The following ZNF385D variants were observed in gnomAD, a reference collection of about 807,000 sequenced individuals.
The protein encoded by ZNF385D is zinc finger protein 659.
A neutral mutation model predicts 35.8 loss-of-function variants in ZNF385D; 15 were observed. That is an observed-to-expected ratio of 0.42 (90% CI 0.28 to 0.64). The LOEUF is 0.64. ZNF385D is among the 30% of genes least tolerant of loss of function. ZNF385D has a pLI of 0.23. For missense variants in ZNF385D, 474 were observed against 494.6 expected, an observed-to-expected ratio of 0.96 and a Z score of 0.39; for synonymous variants, 212 against 186.8, an observed-to-expected ratio of 1.13 and a Z score of -1.10.
intron 3 of ZNF385D, among the ~76,000 whole-genome samples, chr3:22,084,587 T>G (rs1305430305): frequency 1.3e-5 from 2 of 152,140 alleles, no homozygotes; most frequent in Non-Finnish European, 1.5e-5. Context: ...AGCAAGTCCC[T>G]AGCAACCTAC....
intron 3 of ZNF385D, among the ~76,000 whole-genome samples, chr3:21,952,894 T>C (rs1702127085): frequency 6.6e-6 from 1 of 152,016 alleles, no homozygotes. Context: ...AATTGCTAGT[T>C]ACACGAAAAA....
chr3:21,968,513 GTCT>G (rs1464814636), intron 3 of ZNF385D, among the ~76,000 whole-genome samples: 3 of 127,164 alleles, frequency 2.4e-5, no homozygotes, highest in African/African-American at 1.0e-4. Context: ...CATTCCTTCT[GTCT>G]GAGGAGAGGA....
chr3:22,335,309 T>C (rs908077560), intron 2 of ZNF385D, among the ~76,000 whole-genome samples: 7 of 152,160 alleles, frequency 4.6e-5, no homozygotes, highest in Non-Finnish European at 7.4e-5. Context: ...TGTCTGAACA[T>C]AGACAAGTCA....
chr3:21,453,285 A>G (rs1268874488), intron 4 of ZNF385D, among the ~76,000 whole-genome samples: 1 of 152,010 alleles, frequency 6.6e-6, no homozygotes, highest in African/African-American at 2.4e-5. Flanking sequence ...CTATAGGAAT[A>G]AATATTTGTG....
chr3:21,946,763 C>T (rs1233572872), intron 3 of ZNF385D, among the ~76,000 whole-genome samples: 1 of 152,138 alleles, frequency 6.6e-6, no homozygotes, highest in African/African-American at 2.4e-5. Flanking sequence ...ACCCAAGAGG[C>T]GGAGGTTGCA....
chr3:22,341,974 T>C (rs1276826390), intron 2 of ZNF385D, among the ~76,000 whole-genome samples: 2 of 152,144 alleles, frequency 1.3e-5, no homozygotes, highest in Non-Finnish European at 2.9e-5. Context: ...AACTGTTTAA[T>C]GAATTAAAAG....
chr3:21,737,489 A>ACC (rs2069302349), intron 1 of ZNF385D, among the ~76,000 whole-genome samples: 5 of 150,708 alleles, frequency 3.3e-5, no homozygotes, highest in Admixed American at 2.0e-4. Context: ...ACACACACAC[A>ACC]TACACATAAG....
chr3:21,618,894 C>G (rs966143118), intron 2 of ZNF385D, among the ~76,000 whole-genome samples: 5 of 152,146 alleles, frequency 3.3e-5, no homozygotes, highest in Non-Finnish European at 7.3e-5. Context: ...CCGTGTGTCA[C>G]TACAGTAATG....
intron 3 of ZNF385D, among the ~76,000 whole-genome samples, chr3:22,106,752 G>A (rs752186726): frequency 1.2e-4 from 18 of 152,124 alleles, no homozygotes; most frequent in Admixed American, 2.6e-4. Flanking sequence ...CTCATGTGAC[G>A]CAACTGGATC....
At chr3:21,953,698 A>G (rs1317243497) in intron 3 of ZNF385D, among the ~76,000 whole-genome samples, 3 of 152,096 alleles carry the variant, frequency 2.0e-5, no homozygotes, top group Non-Finnish European at 2.9e-5. Flanking sequence ...TTCAGCAAAT[A>G]CTATAACCAG....
At chr3:21,566,015 G>C (rs2063132615) in intron 2 of ZNF385D, among the ~76,000 whole-genome samples, 2 of 152,298 alleles carry the variant, frequency 1.3e-5, no homozygotes, top group Non-Finnish European at 2.9e-5. Context: ...TGGAAGGAAG[G>C]AGAAAGTTTC....
At position 21,539,078 on chromosome 3, in the gene ZNF385D, A is replaced by G. The variant is rs2062109861; in HGVS notation, c.276+25496T>C. On this transcript the variant is annotated intron_variant, in intron 3 of 7. Coordinates refer to ENST00000281523, the MANE Select transcript of ZNF385D (RefSeq NM_024697.3). This position sits in a 1 kb window ranked among gnomAD's most constrained non-coding sequence, Gnocchi z 4.0. ...TGAACTAGTTTTCAGCTAATACGGA[A>G]CAAAGGGAGTGGGTGCAGCAAAATA... Among the ~76,000 whole-genome samples, 2 of 152,086 alleles carry G rather than the reference A, an allele frequency of 1.3e-5. No homozygotes were observed. The highest frequency in any genetic ancestry group is 1.9e-4 in the East Asian group (1 of 5,184).
intron 3 of ZNF385D, among the ~76,000 whole-genome samples, chr3:22,166,557 G>A (rs1232850131): frequency 3.3e-5 from 5 of 152,072 alleles, no homozygotes; most frequent in Non-Finnish European, 7.4e-5. Flanking sequence ...ATCTATAAAA[G>A]GAATATAACA....
Position 22,152,420 on chromosome 3 carries a change from T to C in ZNF385D, c.325+16397A>G, listed in dbSNP as rs530238115. ...TTGTTGGCTTAAGACAAAACAAATTTATCATACAGTTCTGAGGTCAGAAGT... is the reference window on the plus strand; with the variant it reads ...TTGTTGGCTTAAGACAAAACAAATTCATCATACAGTTCTGAGGTCAGAAGT... On this transcript the variant is annotated intron_variant, in intron 3 of 5. Transcript: ENST00000494108. Among the ~76,000 whole-genome samples the C allele has an allele frequency of 3.8e-4, 58 of 152,300 alleles. 2 individuals carry two copies. In the South Asian group the frequency reaches 0.01, roughly 27 times the overall value.
intron 3 of ZNF385D, among the ~76,000 whole-genome samples, chr3:21,949,546 C>CTTTT (rs1553705221): frequency 2.9e-4 from 9 of 31,144 alleles, no homozygotes; most frequent in South Asian, 9.9e-4. Flanking sequence ...TCCTTCTTTT[C>CTTTT]TTTCTTTCTT....
At chr3:21,797,955 T>C (rs964992690) in intron 3 of ZNF385D, among the ~76,000 whole-genome samples, 5 of 152,144 alleles carry the variant, frequency 3.3e-5, no homozygotes, top group African/African-American at 7.2e-5. Context: ...TGTCTAAATA[T>C]TAGAAGTGTA....
At chr3:22,064,938 C>T (rs1309741935) in intron 3 of ZNF385D, among the ~76,000 whole-genome samples, 1 of 152,158 alleles carries the variant, frequency 6.6e-6, no homozygotes, top group African/African-American at 2.4e-5. Context: ...GCTAATGTAT[C>T]AGTAGCATGG....
chr3:21,610,891 G>A (rs1340003584), intron 2 of ZNF385D, among the ~76,000 whole-genome samples: 3 of 152,180 alleles, frequency 2.0e-5, no homozygotes, highest in Non-Finnish European at 4.4e-5. Flanking sequence ...AGCCTGGAAT[G>A]TGGTCTCATC....
At chr3:22,371,361 T>C (rs192733336) in intron 2 of ZNF385D, among the ~76,000 whole-genome samples, 1 of 152,200 alleles carries the variant, frequency 6.6e-6, no homozygotes, top group Admixed American at 6.5e-5. Flanking sequence ...ACCGCAGAAT[T>C]AGCATAGAAC....
Sources: allele counts gnomAD v4.1 joint callset (sites outside exome capture counted in the v4.1 genomes callset), GRCh38; gene constraint gnomAD v4.1.1; non-coding constraint Gnocchi (gnomAD v3.1); transcripts MANE v1.5; gene names NCBI Gene and HGNC (gene_info 2026-07-23, HGNC 2026-07-21).